MAGI2: variants seen among roughly 807,000 people sequenced by gnomAD.
MAGI2 encodes the protein membrane-associated guanylate kinase, WW and PDZ domain-containing protein 2.
Under a neutral mutation model 133.3 loss-of-function variants are expected in MAGI2, and 35 were observed. The observed-to-expected ratio is 0.26, with a 90% CI of 0.20 to 0.35. MAGI2 has a LOEUF of 0.35. Ranked by LOEUF, MAGI2 falls within the 10% of genes least tolerant of loss-of-function variation. The pLI is 1.00. For synonymous variants in MAGI2, 729 were observed against 710.6 expected, an observed-to-expected ratio of 1.03 and a Z score of -0.41; for missense variants, 1,636 against 1,863.4, an observed-to-expected ratio of 0.88 and a Z score of 2.25.
At chr7:79,448,640 T>C (rs914621477) in intron 1 of MAGI2, among the ~76,000 whole-genome samples, 3 of 152,132 alleles carry the variant, frequency 2.0e-5, no homozygotes, top group African/African-American at 7.2e-5. Context: ...CCTTTAACCA[T>C]TGCTCTACCC....
At chr7:78,714,545 T>A in intron 2 of MAGI2, among the ~76,000 whole-genome samples, 1 of 152,222 alleles carries the variant, frequency 6.6e-6, no homozygotes, top group East Asian at 1.9e-4. Context: ...GGAAATCTAA[T>A]GAGCAATTCA....
intron 21 of MAGI2, among the ~76,000 whole-genome samples, chr7:78,068,425 C>G (rs61061960): frequency 0.32 from 49,339 of 151,830 alleles, 8,696 homozygotes; most frequent in East Asian, 0.54. Flanking sequence ...CTAGTGTCAA[C>G]TGTGGACTCT....
chr7:78,220,499 T>C (rs964618075), intron 10 of MAGI2, among the ~76,000 whole-genome samples: 2 of 152,308 alleles, frequency 1.3e-5, no homozygotes, highest in African/African-American at 2.4e-5. Flanking sequence ...CAAAGTGACA[T>C]GTATGTAAAG....
At chr7:78,440,888 G>A (rs1262274833) in intron 6 of MAGI2, among the ~76,000 whole-genome samples, 3 of 152,068 alleles carry the variant, frequency 2.0e-5, no homozygotes, top group Non-Finnish European at 4.4e-5. Context: ...CCGAGTTTGG[G>A]GCTACAGTGA....
chr7:78,217,169 A>G (rs982727308), intron 10 of MAGI2, among the ~76,000 whole-genome samples: 10 of 152,210 alleles, frequency 6.6e-5, no homozygotes, highest in African/African-American at 2.4e-4. Context: ...TACTGGGGGT[A>G]AGAACTTCAA....
At chr7:78,988,104 T>C (rs2116282934) in intron 2 of MAGI2, among the ~76,000 whole-genome samples, 1 of 152,178 alleles carries the variant, frequency 6.6e-6, no homozygotes, top group South Asian at 2.1e-4. Flanking sequence ...CCTCCATATT[T>C]TGTTGGGTAC....
At chr7:79,038,591 A>G (rs1233490366) in intron 1 of MAGI2, among the ~76,000 whole-genome samples, 2 of 152,194 alleles carry the variant, frequency 1.3e-5, no homozygotes, top group African/African-American at 4.8e-5. Flanking sequence ...AAAGGTAGCA[A>G]TCATGCACCA....
intron 10 of MAGI2, chr7:78,255,556 A>G: frequency 2.6e-6 from 1 of 391,958 alleles, no homozygotes; most frequent in South Asian, 2.8e-5. Flanking sequence ...CACGATTAAA[A>G]GCGTTGCTTC....
chr7:79,303,281 G>C (rs1019031579), intron 1 of MAGI2, among the ~76,000 whole-genome samples: 4 of 127,462 alleles, frequency 3.1e-5, no homozygotes, highest in Non-Finnish European at 4.9e-5. Flanking sequence ...AAAAACATTT[G>C]TACCCCAAAA....
At chr7:78,440,958 TAAATA>T (rs1400449607) in intron 6 of MAGI2, among the ~76,000 whole-genome samples, 1 of 151,892 alleles carries the variant, frequency 6.6e-6, no homozygotes, top group Non-Finnish European at 1.5e-5. Context: ...TCTCAAAAAA[TAAATA>T]AAATAAATAC....
chr7:78,021,969 GGA>G (rs1286806084), intron 21 of MAGI2, among the ~76,000 whole-genome samples: 1 of 152,168 alleles, frequency 6.6e-6, no homozygotes, highest in Non-Finnish European at 1.5e-5. Flanking sequence ...GGGCTCCTGT[GGA>G]AGCCGCCTCA....
At chr7:78,620,080 A>G (rs1463051791) in intron 3 of MAGI2, among the ~76,000 whole-genome samples, 1 of 152,006 alleles carries the variant, frequency 6.6e-6, no homozygotes, top group Non-Finnish European at 1.5e-5. Flanking sequence ...CTCTTGTAAT[A>G]GTGTGCAAAG....
chr7:78,201,640 C>A lies in MAGI2; in HGVS notation c.2048-447G>T, dbSNP rs948437847. Reference sequence around the variant, plus strand: ...ATGTGGTTAAAAATCAATTAATAAGCCTTCATTATTCCTAACTTTAAAAAT... The same window carrying A: ...ATGTGGTTAAAAATCAATTAATAAGACTTCATTATTCCTAACTTTAAAAAT... On this transcript the variant is annotated intron_variant, in intron 10 of 21. Transcript: ENST00000354212. 4.6e-5 allele frequency among the ~76,000 whole-genome samples: 7 copies of A among 152,140 alleles called. No homozygotes were observed. The East Asian group carries it at 5.8e-4, about 13-fold the overall frequency.
intron 1 of MAGI2, among the ~76,000 whole-genome samples, chr7:79,011,725 G>T (rs1023858659): frequency 3.2e-4 from 48 of 152,230 alleles, no homozygotes; most frequent in East Asian, 1.4e-3. Context: ...CTACTCTAAT[G>T]TTCTAATCAT....
intron 1 of MAGI2, among the ~76,000 whole-genome samples, chr7:79,348,254 A>G (rs1283976841): frequency 6.6e-6 from 1 of 151,868 alleles, no homozygotes. Context: ...TGTGCTGCAG[A>G]TCTTCTAGTT....
At chr7:79,405,651 C>T (rs1234173687) in intron 1 of MAGI2, among the ~76,000 whole-genome samples, 2 of 152,046 alleles carry the variant, frequency 1.3e-5, no homozygotes, top group African/African-American at 4.8e-5. Context: ...AGGCCTTTAG[C>T]AATGCAAGTT....
intron 1 of MAGI2, among the ~76,000 whole-genome samples, chr7:79,181,004 T>A (rs1826567716): frequency 6.6e-6 from 1 of 151,928 alleles, no homozygotes; most frequent in African/African-American, 2.4e-5. Context: ...GTTCTCATGG[T>A]CTTGGGCAGC....
intron 16 of MAGI2, 73 bp from the exon 17 acceptor site, chr7:78,135,279 GA>G (rs1458398028): frequency 2.5e-6 from 3 of 1,185,890 alleles, no homozygotes; most frequent in African/African-American, 1.5e-5. Flanking sequence ...AGCCCCAAAG[GA>G]AACAATGAAA....
chr7:78,593,934 C>T (rs1397325908), intron 3 of MAGI2, among the ~76,000 whole-genome samples: 2 of 152,158 alleles, frequency 1.3e-5, no homozygotes, highest in Non-Finnish European at 2.9e-5. Flanking sequence ...GGAAGCTGCT[C>T]TTGTTAAAGA....
Sources: allele counts gnomAD v4.1 joint callset (sites outside exome capture counted in the v4.1 genomes callset), GRCh38; gene constraint gnomAD v4.1.1; transcripts MANE v1.5; gene names NCBI Gene and HGNC (gene_info 2026-07-23, HGNC 2026-07-21).